TSHZ1: variants seen among roughly 807,000 people sequenced by gnomAD.
The protein encoded by TSHZ1 is teashirt zinc finger homeobox 1, also known as teashirt homolog 1.
A neutral mutation model predicts 67.1 loss-of-function variants in TSHZ1; 12 were observed. The observed-to-expected ratio is 0.18, with a 90% CI of 0.11 to 0.29. The LOEUF (loss-of-function observed/expected upper bound fraction) is 0.29. Ranked by LOEUF, TSHZ1 falls within the 10% of genes least tolerant of loss-of-function variation. The pLI is 1.00. For missense variants in TSHZ1, 1,305 were observed against 1,413.9 expected (o/e 0.92, Z 1.23); for synonymous variants, 632 against 622.4 (o/e 1.02, Z -0.23).
At chr18:75,247,843 T>C (rs955560062) in intron 1 of TSHZ1, among the ~76,000 whole-genome samples, 2 of 150,016 alleles carry the variant, frequency 1.3e-5, no homozygotes, top group African/African-American at 2.5e-5. Context: ...GCTGTATTTA[T>C]TTGAAATGTT....
intron 1 of TSHZ1, among the ~76,000 whole-genome samples, chr18:75,263,273 T>C (rs1317800156): frequency 6.6e-6 from 1 of 152,222 alleles, no homozygotes; most frequent in Non-Finnish European, 1.5e-5. Flanking sequence ...CGCTTTGACT[T>C]ATGACACCTT....
intron 1 of TSHZ1, among the ~76,000 whole-genome samples, chr18:75,279,308 A>G (rs959004775): frequency 6.6e-6 from 1 of 152,236 alleles, no homozygotes; most frequent in Non-Finnish European, 1.5e-5. Flanking sequence ...CTAAAAGAAC[A>G]TAGTAGAATA....
intron 1 of TSHZ1, among the ~76,000 whole-genome samples, chr18:75,268,211 A>G (rs2023515723): frequency 6.6e-6 from 1 of 152,120 alleles, no homozygotes; most frequent in Non-Finnish European, 1.5e-5. Context: ...CAATGGGCAG[A>G]TTTTCCCAGG....
chr18:75,273,684 A>G (rs1222214613), intron 1 of TSHZ1, among the ~76,000 whole-genome samples: 1 of 152,234 alleles, frequency 6.6e-6, no homozygotes, highest in Non-Finnish European at 1.5e-5. Flanking sequence ...CAGGGACCGT[A>G]TACATTGCCT....
chr18:75,211,695 C>G lies in TSHZ1; in HGVS notation c.-182C>G, dbSNP rs1332769418. The G allele has an allele frequency of 2.1e-4, 35 of 163,694 alleles. No homozygotes were observed. The highest frequency in any genetic ancestry group is 6.7e-4 in the African/African-American group (27 of 40,454). 10.1% of individuals were successfully genotyped at this position (163,694 alleles called of 1,614,324 possible). The stretch of plus-strand genomic sequence containing the variant: ...GCCGCCGCCGCCTCCTGAGCGGCCC[C>G]GGGCGCGGCGGTCCATGCGAGCGGC... On this transcript the variant is annotated 5_prime_UTR_variant, in exon 1 of 2. Transcript: ENST00000580243.
chr18:75,227,391 A>G (rs146475440), intron 1 of TSHZ1, among the ~76,000 whole-genome samples: 25 of 152,266 alleles, frequency 1.6e-4, no homozygotes, highest in African/African-American at 5.5e-4. Context: ...CGAGTCTAAA[A>G]GTTGCTAAAA....
At chr18:75,235,292 G>A (rs936027814) in intron 1 of TSHZ1, among the ~76,000 whole-genome samples, 5 of 152,274 alleles carry the variant, frequency 3.3e-5, no homozygotes, top group African/African-American at 1.2e-4. Context: ...TTGCCTTTCT[G>A]GAACCTTCCA....
rs755184710 is a variant in TSHZ1 at position 75,286,941 on chromosome 18, G to A, written c.1534G>A (p.Asp512Asn). The A allele has an allele frequency of 5.0e-6, 8 of 1,614,048 alleles. No homozygotes were observed. Among genetic ancestry groups the A allele is most frequent in the Admixed American group, 1.7e-5 (1 of 60,014 alleles). ...PEKEKPPVAG[D>N]AEKIKEESED... The stretch of plus-strand genomic sequence containing the variant: ...GAAGGAGAAGCCGCCTGTGGCTGGC[G>A]ACGCGGAGAAGATCAAGGAGGAGAG... The change falls in exon 2 of 2, where the codon GAC (aspartate) becomes AAC (asparagine). Residue 512 changes from aspartate (D) to asparagine (N), a missense_variant. Physicochemically the swap from Asp to Asn is conservative, Grantham distance 23 (BLOSUM62 1). Coordinates refer to ENST00000580243, the MANE Select transcript of TSHZ1 (RefSeq NM_001308210.2). The surrounding 1 kb of genome is among the most constrained non-coding windows in gnomAD (Gnocchi z 5.1).
At chr18:75,239,493 A>G (rs1474446718) in intron 1 of TSHZ1, among the ~76,000 whole-genome samples, 1 of 152,164 alleles carries the variant, frequency 6.6e-6, no homozygotes, top group Admixed American at 6.5e-5. Context: ...GAGTGAGATT[A>G]AAGTCCCAGT....
At chr18:75,280,644 C>T (rs2122611872) in intron 1 of TSHZ1, 2 of 715,304 alleles carry the variant, frequency 2.8e-6, no homozygotes, top group Middle Eastern at 1.4e-3. Flanking sequence ...GTCAACTTCC[C>T]CAAGACTCTG....
intron 1 of TSHZ1, among the ~76,000 whole-genome samples, chr18:75,236,227 C>T (rs1266738667): frequency 1.3e-5 from 2 of 152,206 alleles, no homozygotes; most frequent in East Asian, 1.9e-4. Flanking sequence ...GGGTGTGTGT[C>T]TCAGCTGTTC....
At position 75,267,058 on chromosome 18, in the gene TSHZ1, A is replaced by C. The variant is rs1461465032; in HGVS notation, c.41-18390A>C. ...AAGTTTTTATTTCTGTTATAGACTT[A>C]GTAGCTCTGAAAATTGCTTTATTTC... On this transcript the variant is annotated intron_variant, in intron 1 of 1. Transcript: ENST00000580243. 3.9e-5 allele frequency among the ~76,000 whole-genome samples: 6 copies of C among 152,218 alleles called. No individual in the cohort carries two copies. In the East Asian group the frequency reaches 1.2e-3, roughly 29 times the overall value.
At position 75,224,317 on chromosome 18, in the gene TSHZ1, T is replaced by C. The variant is rs1481443212; in HGVS notation, c.40+12401T>C. Among the ~76,000 whole-genome samples the C allele has an allele frequency of 4.6e-5, 7 of 152,186 alleles. No homozygotes were observed. The South Asian group carries it at 1.2e-3, about 27-fold the overall frequency. On this transcript the variant is annotated intron_variant, in intron 1 of 1. Transcript: ENST00000580243. ...GCTTAACAGGATTTCTTTCTCTTCT[T>C]AAATTTCGCATCGTGAAACCCAGCT...
intron 1 of TSHZ1, among the ~76,000 whole-genome samples, chr18:75,243,214 C>T (rs1288284919): frequency 6.6e-6 from 1 of 152,210 alleles, no homozygotes; most frequent in Non-Finnish European, 1.5e-5. Flanking sequence ...ACTTTTGTAT[C>T]ACCCCTGGGT....
In TSHZ1 at chr18:75,288,547, C is replaced by T. The variant is rs192671851; in HGVS notation, c.3140C>T (p.Ala1047Val). ...FQCKLCNRTF[A>V]SKHAVKLHLS... ...TGTAAGCTCTGCAACCGGACTTTTG[C>T]GAGCAAGCACGCAGTCAAACTGCAC... The change falls in exon 2 of 2, where the codon GCG (alanine) becomes GTG (valine). Residue 1047 changes from alanine (A) to valine (V), a missense_variant. This residue lies in a region of TSHZ1 where 909 missense variants were observed against 961.8 expected (regional missense o/e 0.95). Coordinates refer to ENST00000580243, the MANE Select transcript of TSHZ1 (RefSeq NM_001308210.2). This position sits in a 1 kb window ranked among gnomAD's most constrained non-coding sequence, Gnocchi z 4.9. The T allele has an allele frequency of 2.6e-5, 42 of 1,614,234 alleles. No individual in the cohort carries two copies. The highest frequency in any genetic ancestry group is 1.9e-4 in the African/African-American group (14 of 75,064).
rs959826500 is a variant in TSHZ1, at chr18:75,219,288, A to G, written c.40+7372A>G. On this transcript the variant is annotated intron_variant, in intron 1 of 1. Transcript: ENST00000580243. ...GAAACAGGTAATTTTTTAAGTTTTTATCAATAGGGTTGATAGAGGATGCCC... is the reference window on the plus strand; with the variant it reads ...GAAACAGGTAATTTTTTAAGTTTTTGTCAATAGGGTTGATAGAGGATGCCC... 4.4e-4 allele frequency among the ~76,000 whole-genome samples: 67 copies of G among 152,222 alleles called. 1 individual carries two copies. The highest frequency in any genetic ancestry group is 3.9e-3 in the Admixed American group (59 of 15,286).
chr18:75,284,466 C>T (rs1015121080), intron 1 of TSHZ1: 3 of 152,204 alleles, frequency 2.0e-5, no homozygotes. Flanking sequence ...AGTTTCATGG[C>T]GTTAAGAACG....
rs190878812 is a variant in TSHZ1 at position 75,258,818 on chromosome 18, A to C, written c.41-26630A>C. On this transcript the variant is annotated intron_variant, in intron 1 of 1. Transcript: ENST00000580243. ...CTCACAGTGAAGATCAGGGCAGGTGACTGTGCCATCCACTGATGGATGACG... is the reference window on the plus strand; with the variant it reads ...CTCACAGTGAAGATCAGGGCAGGTGCCTGTGCCATCCACTGATGGATGACG... 3.6e-3 allele frequency among the ~76,000 whole-genome samples: 552 copies of C among 152,288 alleles called. 2 individuals are homozygous for C. The highest frequency in any genetic ancestry group is 0.013 in the African/African-American group (531 of 41,558).
chr18:75,221,487 A>G (rs1379509722), intron 1 of TSHZ1, among the ~76,000 whole-genome samples: 2 of 152,280 alleles, frequency 1.3e-5, no homozygotes, highest in Non-Finnish European at 2.9e-5. Context: ...ATGGTACGAC[A>G]TACCAATGAA....
Sources: allele counts gnomAD v4.1 joint callset (sites outside exome capture counted in the v4.1 genomes callset), GRCh38; gene constraint gnomAD v4.1.1; regional missense constraint gnomAD v4.1.1; non-coding constraint Gnocchi (gnomAD v3.1); transcripts MANE v1.5; gene names NCBI Gene and HGNC (gene_info 2026-07-23, HGNC 2026-07-21).